FSTL5: variants seen among roughly 807,000 people sequenced by gnomAD.
The protein encoded by FSTL5 is follistatin like 5, also known as follistatin-related protein 5.
A neutral mutation model predicts 89.1 loss-of-function variants in FSTL5; 62 were observed. That is an observed-to-expected ratio of 0.70 (90% CI 0.57 to 0.86). The LOEUF (loss-of-function observed/expected upper bound fraction) is 0.86, where lower values mean the gene tolerates loss of function less well. FSTL5 is among the 40% of genes least tolerant of loss of function. The pLI, the probability that FSTL5 is intolerant of heterozygous loss-of-function variation, is 0.00. For missense variants in FSTL5, 1,057 were observed against 1,001.6 expected, an observed-to-expected ratio of 1.06 and a Z score of -0.75; for synonymous variants, 383 against 346.2, an observed-to-expected ratio of 1.11 and a Z score of -1.18.
At chr4:161,972,014 T>A (rs1235339909) in intron 3 of FSTL5, among the ~76,000 whole-genome samples, 1 of 152,192 alleles carries the variant, frequency 6.6e-6, no homozygotes, top group African/African-American at 2.4e-5. Flanking sequence ...GATTGCTACC[T>A]GCTGGTATGC....
At chr4:161,622,546 T>A (rs11938429) in intron 7 of FSTL5, among the ~76,000 whole-genome samples, 1 of 151,736 alleles carries the variant, frequency 6.6e-6, no homozygotes, top group South Asian at 2.1e-4. Flanking sequence ...TATTTATTTA[T>A]TTACATATGT....
intron 4 of FSTL5, among the ~76,000 whole-genome samples, chr4:161,780,138 G>T (rs1439153505): frequency 2.0e-5 from 3 of 148,796 alleles, no homozygotes; most frequent in Non-Finnish European, 4.5e-5. Flanking sequence ...ATTGCAATTG[G>T]TTGTATAATT....
intron 10 of FSTL5, among the ~76,000 whole-genome samples, chr4:161,515,283 C>T (rs1405124044): frequency 6.6e-6 from 1 of 151,860 alleles, no homozygotes; most frequent in Non-Finnish European, 1.5e-5. Context: ...CTGCAATCTC[C>T]ACGTACTGGG....
intron 1 of FSTL5, among the ~76,000 whole-genome samples, chr4:162,113,904 C>A (rs76988057): frequency 0.048 from 7,309 of 152,160 alleles, 370 homozygotes; most frequent in East Asian, 0.27. Context: ...AAATGTGGGT[C>A]TTCTCCATTA....
intron 13 of FSTL5, among the ~76,000 whole-genome samples, chr4:161,472,460 T>C (rs2126437071): frequency 6.6e-6 from 1 of 152,260 alleles, no homozygotes; most frequent in Non-Finnish European, 1.5e-5. Flanking sequence ...TATTTCTTGA[T>C]TTTTTTAAAT....
chr4:161,410,307 T>A (rs1283632766), intron 15 of FSTL5, among the ~76,000 whole-genome samples: 2 of 152,190 alleles, frequency 1.3e-5, no homozygotes, highest in Non-Finnish European at 2.9e-5. Flanking sequence ...ACTGACAGCA[T>A]TAAGTAGATC....
At chr4:161,430,306 G>A (rs996386680) in intron 15 of FSTL5, among the ~76,000 whole-genome samples, 5 of 151,946 alleles carry the variant, frequency 3.3e-5, no homozygotes, top group African/African-American at 1.2e-4. Context: ...TAGAGAGAGA[G>A]AGATACAGTT....
chr4:162,100,541 A>G (rs1444763656), intron 2 of FSTL5, among the ~76,000 whole-genome samples: 1 of 152,212 alleles, frequency 6.6e-6, no homozygotes, highest in Non-Finnish European at 1.5e-5. Flanking sequence ...GGCAAAGCAC[A>G]GATATTTAGG....
chr4:161,403,356 T>TA lies in FSTL5; in HGVS notation c.1842-16908dup, dbSNP rs1174224824. 2.6e-5 allele frequency among the ~76,000 whole-genome samples: 4 copies of TA among 152,258 alleles called. No individual in the cohort carries two copies. In the East Asian group the frequency reaches 5.8e-4, roughly 22 times the overall value. ...TAACGAAAAAACAAGAGGAATCTTT[T>TA]AAAAAATTAAAAAGTCTGAAAAGGC... On this transcript the variant is annotated intron_variant, in intron 15 of 15. Transcript: ENST00000306100.
intron 2 of FSTL5, among the ~76,000 whole-genome samples, chr4:162,070,530 T>A (rs1315348276): frequency 2.0e-5 from 3 of 151,874 alleles, no homozygotes; most frequent in Non-Finnish European, 4.4e-5. Flanking sequence ...TTTTTGAATA[T>A]TGTGGGATAT....
intron 4 of FSTL5, among the ~76,000 whole-genome samples, chr4:161,794,347 AGTTCGGGT>A (rs1729566884): frequency 6.6e-6 from 1 of 152,186 alleles, no homozygotes; most frequent in Admixed American, 6.5e-5. Context: ...ACTTGACATT[AGTTCGGGT>A]GTTAAATCTA....
chr4:161,767,803 A>AC (rs11415412), intron 5 of FSTL5, among the ~76,000 whole-genome samples: 31,801 of 152,018 alleles, frequency 0.21, 6,116 homozygotes, highest in African/African-American at 0.51. Flanking sequence ...GATTTATTCA[A>AC]AACAACATAA....
intron 7 of FSTL5, among the ~76,000 whole-genome samples, chr4:161,648,577 C>A (rs1736231248): frequency 6.6e-6 from 1 of 152,142 alleles, no homozygotes; most frequent in African/African-American, 2.4e-5. Context: ...TCTCATCGTT[C>A]TAAAAATGGC....
intron 2 of FSTL5, among the ~76,000 whole-genome samples, chr4:162,051,152 G>C (rs947112251): frequency 6.6e-6 from 1 of 151,410 alleles, no homozygotes; most frequent in Non-Finnish European, 1.5e-5. Context: ...TAAATTTGGT[G>C]TATCAATACT....
chr4:161,705,509 G>A (rs1047942915), intron 6 of FSTL5, among the ~76,000 whole-genome samples: 1 of 152,002 alleles, frequency 6.6e-6, no homozygotes, highest in African/African-American at 2.4e-5. Flanking sequence ...CAAATTGGAA[G>A]GGAGAATAAG....
At chr4:161,801,723 CATA>C (rs536030368) in intron 4 of FSTL5, among the ~76,000 whole-genome samples, 31 of 150,370 alleles carry the variant, frequency 2.1e-4, no homozygotes, top group African/African-American at 6.5e-4. Flanking sequence ...AGCTAATACA[CATA>C]ATAATAATAA....
In FSTL5 at chr4:161,759,444, G is replaced by T. The variant is rs199750849; in HGVS notation, c.694C>A (p.His232Asn). 136 of 1,594,656 alleles carry T rather than the reference G, an allele frequency of 8.5e-5. No individual in the cohort carries two copies. The East Asian group carries it at 3.1e-3, about 37-fold the overall frequency. Reference sequence around the variant, plus strand: ...CTATAAAATTCTTCAAGAGCCAGGTGCTTGTCAGCATTAAAATCATCATAT... The same window carrying T: ...CTATAAAATTCTTCAAGAGCCAGGTTCTTGTCAGCATTAAAATCATCATAT... ...LKYDDFNADK[H>N]LALEEFYRAF... The change falls in exon 6 of 16, where the codon CAC becomes AAC. Residue 232 changes from histidine to asparagine, a missense_variant. By Grantham distance (68) the His-to-Asn change is moderately conservative. This residue lies in a region of FSTL5 where 980 missense variants were observed against 903.2 expected (regional missense o/e 1.08). Coordinates refer to ENST00000306100, the MANE Select transcript of FSTL5 (RefSeq NM_020116.5).
At chr4:162,048,037 C>T (rs1428918706) in intron 2 of FSTL5, among the ~76,000 whole-genome samples, 1 of 151,924 alleles carries the variant, frequency 6.6e-6, no homozygotes, top group Non-Finnish European at 1.5e-5. Flanking sequence ...ATGTTAAAGC[C>T]TATTCCCAGC....
At chr4:161,436,278 G>A (rs111263175) in intron 15 of FSTL5, among the ~76,000 whole-genome samples, 1 of 152,054 alleles carries the variant, frequency 6.6e-6, no homozygotes, top group African/African-American at 2.4e-5. Flanking sequence ...ATCTAAACAC[G>A]TTTTTCTTCC....
Sources: gnomAD v4.1 joint callset for allele counts (sites outside exome capture counted in the v4.1 genomes callset) on GRCh38, gnomAD v4.1.1 for gene constraint, gnomAD v4.1.1 regional missense constraint, MANE v1.5 for transcripts, NCBI Gene and HGNC (gene_info 2026-07-23, HGNC 2026-07-21) for gene names.